Variants in DOCK8 observed in about 807,000 individuals in gnomAD.
The protein encoded by DOCK8 is dedicator of cytokinesis 8, also known as dedicator of cytokinesis protein 8.
In DOCK8, 141 loss-of-function variants were observed where a neutral mutation model predicts 245.6. The observed-to-expected ratio is 0.57, with a 90% CI of 0.50 to 0.66. DOCK8 has a LOEUF of 0.66. Among genes scored for constraint, DOCK8 ranks in the 30% least tolerant of loss-of-function variants. The pLI is 0.00. For synonymous variants in DOCK8, 1,168 were observed against 970.2 expected (o/e 1.20, Z -3.79); for missense variants, 2,965 against 2,603.4 (o/e 1.14, Z -3.02).
intron 46 of DOCK8, among the ~76,000 whole-genome samples, chr9:457,770 G>A (rs2057685937): frequency 6.6e-6 from 1 of 152,148 alleles, no homozygotes; most frequent in Non-Finnish European, 1.5e-5. Flanking sequence ...ACTTAGCCTG[G>A]GTCTGTCAGG....
At chr9:277,475 A>AGGGGAGGGGAGGG (rs1260887889) in intron 2 of DOCK8, among the ~76,000 whole-genome samples, 1 of 123,306 alleles carries the variant, frequency 8.1e-6, no homozygotes, top group Admixed American at 7.8e-5. Flanking sequence ...AGAAGAGAAG[A>AGGGGAGGGGAGGG]GAAGAGAAGA....
At chr9:421,403 T>C (rs945993617) in intron 32 of DOCK8, among the ~76,000 whole-genome samples, 1 of 152,098 alleles carries the variant, frequency 6.6e-6, no homozygotes, top group Non-Finnish European at 1.5e-5. Flanking sequence ...CTGAGGCCTT[T>C]CTATGTGACC....
At chr9:445,814 C>A (rs6476855) in intron 43 of DOCK8, among the ~76,000 whole-genome samples, 113,881 of 151,936 alleles carry the variant, frequency 0.75, 43,456 homozygotes, top group East Asian at 0.99. Context: ...CATTTCTCTC[C>A]TGTACACACA....
Position 429,689 on chromosome 9 carries a change from A to AT in DOCK8, c.4474-12dup. On this transcript the variant is annotated splice_polypyrimidine_tract_variant and intron_variant, in intron 35 of 47. Transcript: ENST00000432829. ...GCCAAGTGATGCCTAATGGCCCTTT[A>AT]TGTCTCTCCTAGTTTGGAGACTTAC... is the stretch of plus-strand genomic sequence containing the variant. The AT allele has an allele frequency of 6.2e-7, 1 of 1,614,188 alleles. No homozygotes were observed. The highest frequency in any genetic ancestry group is 1.1e-5 in the South Asian group (1 of 91,088).
intron 5 of DOCK8, among the ~76,000 whole-genome samples, chr9:307,351 T>G (rs1403343205): frequency 2.9e-4 from 11 of 38,386 alleles, no homozygotes; most frequent in South Asian, 2.5e-3. Flanking sequence ...TTTTTTTTTT[T>G]TTTTTTTTTT....
At chr9:344,402 G>C (rs73378635) in intron 14 of DOCK8, among the ~76,000 whole-genome samples, 5,625 of 152,150 alleles carry the variant, frequency 0.037, 374 homozygotes, top group African/African-American at 0.13. Flanking sequence ...GTGTGCTTTA[G>C]GGTGGTTTTG....
chr9:446,015 C>G (rs1487309523), intron 43 of DOCK8, among the ~76,000 whole-genome samples: 5 of 152,242 alleles, frequency 3.3e-5, no homozygotes, highest in Non-Finnish European at 7.3e-5. Context: ...TTCCTCATAA[C>G]TGTGAGGTAG....
intron 4 of DOCK8, among the ~76,000 whole-genome samples, chr9:292,266 A>T (rs785851): frequency 0.89 from 132,566 of 149,446 alleles, 58,908 homozygotes; most frequent in Admixed American, 0.92. Flanking sequence ...GCTACTTGGG[A>T]GGCTGAGGCA....
Position 382,946 on chromosome 9 carries a change from C to CTGAT in DOCK8, c.2778+261_2778+262insTGAT, listed in dbSNP as rs555572915. ...AGTTTTAAAGCATCAGGGGTTTAGCCACATGGAGTCATGTGGCTAAACCAT... is the reference window on the plus strand; with the variant it reads ...AGTTTTAAAGCATCAGGGGTTTAGCCTGATACATGGAGTCATGTGGCTAAACCAT... On this transcript the variant is annotated intron_variant, in intron 22 of 47. Transcript: ENST00000432829. 4.5e-4 allele frequency among the ~76,000 whole-genome samples: 68 copies of CTGAT among 152,072 alleles called. 1 individual carries two copies. Among genetic ancestry groups the CTGAT allele is most frequent in the Non-Finnish European group, 7.1e-4 (48 of 67,970 alleles).
chr9:214,201 C>T (rs541161232), upstream of DOCK8: 14 of 379,976 alleles, frequency 3.7e-5, no homozygotes, highest in Non-Finnish European at 6.7e-5. Flanking sequence ...GGCCGGGCTT[C>T]TTAGCAGACC....
Position 439,308 on chromosome 9 carries a change from G to A in DOCK8, c.5143G>A (p.Asp1715Asn), listed in dbSNP as rs1386678346. 6.2e-7 allele frequency: 1 copy of A among 1,614,202 alleles called. No homozygotes were observed. The highest frequency in any genetic ancestry group is 2.2e-5 in the East Asian group (1 of 44,866). The change falls in exon 40 of 48, where the codon GAT becomes AAT. Residue 1715 changes from aspartate to asparagine, a missense_variant. Physicochemically the swap from Asp to Asn is conservative, Grantham distance 23. Coordinates refer to ENST00000432829, the MANE Select transcript of DOCK8 (RefSeq NM_203447.4). Reference protein sequence around the residue: ...VSEDTLSPDEDGVCAGQYFTE... With the variant: ...VSEDTLSPDENGVCAGQYFTE... ...TGAGGACACCCTGTCACCTGACGAGGATGGGGTGTGCGCAGGCCAGTACTT... is the reference window on the plus strand; with the variant it reads ...TGAGGACACCCTGTCACCTGACGAGAATGGGGTGTGCGCAGGCCAGTACTT...
chr9:370,738 G>A (rs73641535), intron 16 of DOCK8, among the ~76,000 whole-genome samples: 2,545 of 152,170 alleles, frequency 0.017, 65 homozygotes, highest in African/African-American at 0.059. Flanking sequence ...TTATTCCACC[G>A]GCAAATGGAG....
intron 1 of DOCK8, chr9:215,535 A>C: frequency 8.1e-7 from 1 of 1,235,846 alleles, no homozygotes; most frequent in Non-Finnish European, 1.1e-6. Context: ...TCATTATTCC[A>C]GAAAGAGCTT....
chr9:464,488 C>T lies in DOCK8; in HGVS notation c.*269C>T. ...TTAAAGTGTGTTTTTCCACAATGTA[C>T]CAAACAAGGCATAAGCAGCTTCTCC... On this transcript the variant is annotated 3_prime_UTR_variant, in exon 48 of 48. Transcript: ENST00000432829. 3.7e-6 allele frequency: 2 copies of T among 540,422 alleles called. No homozygotes were observed. Among genetic ancestry groups the T allele is most frequent in the Non-Finnish European group, 6.7e-6 (2 of 299,444 alleles). The allele number at this position is 540,422 out of a possible 1,614,324, so 33.5% of individuals were successfully genotyped here. A position where few individuals can be genotyped will look rare whatever the true frequency, so the allele number is the denominator to read the frequency against.
At chr9:375,861 G>A (rs1205684775) in intron 18 of DOCK8, among the ~76,000 whole-genome samples, 1 of 152,156 alleles carries the variant, frequency 6.6e-6, no homozygotes, top group African/African-American at 2.4e-5. Flanking sequence ...GTTGGGTGTG[G>A]TGGTGTGTGC....
chr9:441,225 T>A (rs1377663914), intron 40 of DOCK8, 61 bp from the exon 41 acceptor site: 1 of 1,606,082 alleles, frequency 6.2e-7, no homozygotes, highest in African/African-American at 1.3e-5. Flanking sequence ...TGACCTCTGG[T>A]TGCTCTTCTT....
At chr9:423,500 G>A (rs748911760) in intron 33 of DOCK8, among the ~76,000 whole-genome samples, 4 of 152,204 alleles carry the variant, frequency 2.6e-5, no homozygotes, top group African/African-American at 4.8e-5. Flanking sequence ...TTGATTAGCA[G>A]TGCTGTTTTG....
intron 33 of DOCK8, among the ~76,000 whole-genome samples, chr9:424,279 C>T (rs1022268420): frequency 1.1e-4 from 16 of 150,462 alleles, no homozygotes; most frequent in African/African-American, 4.0e-4. Context: ...CCCAGCTGCA[C>T]CCTAGACTAC....
At chr9:422,418 G>C (rs2131652967) in intron 33 of DOCK8, among the ~76,000 whole-genome samples, 1 of 152,310 alleles carries the variant, frequency 6.6e-6, no homozygotes, top group Admixed American at 6.5e-5. Flanking sequence ...TTTGCAGGGA[G>C]GGTAGCAGGG....
Sources: allele counts gnomAD v4.1 joint callset (sites outside exome capture counted in the v4.1 genomes callset), GRCh38; gene constraint gnomAD v4.1.1; transcripts MANE v1.5; gene names NCBI Gene and HGNC (gene_info 2026-07-23, HGNC 2026-07-21).